CCDC91: variants seen among roughly 807,000 people sequenced by gnomAD.
The protein encoded by CCDC91 is coiled-coil domain-containing protein 91.
A neutral mutation model predicts 63.2 loss-of-function variants in CCDC91; 48 were observed. The ratio of observed to expected loss-of-function variants is 0.76; its 90% CI spans 0.60 to 0.97. The LOEUF is 0.97. Ranked by LOEUF, CCDC91 falls within the 50% of genes least tolerant of loss-of-function variation. The pLI, the probability that CCDC91 is intolerant of heterozygous loss-of-function variation, is 0.00. For synonymous variants in CCDC91, 167 were observed against 165.8 expected (o/e 1.01, Z -0.06); for missense variants, 500 against 494.6 (o/e 1.01, Z -0.10).
chr12:28,194,477 T>C (rs1303911665), intron 1 of CCDC91, among the ~76,000 whole-genome samples: 2 of 152,202 alleles, frequency 1.3e-5, no homozygotes, highest in African/African-American at 4.8e-5. Context: ...CTGGAGTTTC[T>C]TCCTTCTGGT....
intron 7 of CCDC91, among the ~76,000 whole-genome samples, chr12:28,372,280 G>T (rs1039634555): frequency 6.6e-6 from 1 of 152,028 alleles, no homozygotes; most frequent in African/African-American, 2.4e-5. Flanking sequence ...TATGCTTCCA[G>T]ATTTGTTCTT....
intron 11 of CCDC91, among the ~76,000 whole-genome samples, chr12:28,470,616 C>T (rs1466000654): frequency 6.6e-6 from 1 of 152,078 alleles, no homozygotes; most frequent in Admixed American, 6.6e-5. Flanking sequence ...ATTAGTGTAT[C>T]AGTGAAATAC....
chr12:28,536,481 T>C (rs1942185980), intron 12 of CCDC91, among the ~76,000 whole-genome samples: 2 of 152,208 alleles, frequency 1.3e-5, no homozygotes, highest in South Asian at 4.1e-4. Context: ...AAATATAGTA[T>C]ACAATTAGGA....
chr12:28,509,810 G>A (rs1398655210), intron 12 of CCDC91, among the ~76,000 whole-genome samples: 2 of 151,902 alleles, frequency 1.3e-5, no homozygotes, highest in East Asian at 1.9e-4. Context: ...TTACAAGTGG[G>A]TATTAATATA....
chr12:28,446,949 T>TAA (rs1462491909), intron 8 of CCDC91, among the ~76,000 whole-genome samples: 2 of 152,204 alleles, frequency 1.3e-5, no homozygotes, highest in Non-Finnish European at 2.9e-5. Flanking sequence ...ATTTCATTGA[T>TAA]TAGGTGCTCT....
chr12:28,358,226 G>A (rs866799598), intron 6 of CCDC91, among the ~76,000 whole-genome samples: 3 of 152,088 alleles, frequency 2.0e-5, no homozygotes, highest in Admixed American at 1.3e-4. Context: ...ATCAGAAAAA[G>A]AACATTGATT....
At chr12:28,233,135 G>A (rs115962153) in intron 1 of CCDC91, among the ~76,000 whole-genome samples, 235 of 151,912 alleles carry the variant, frequency 1.5e-3, no homozygotes, top group African/African-American at 5.4e-3. Flanking sequence ...GGTGTATCGT[G>A]TGCTGAGTTC....
intron 8 of CCDC91, among the ~76,000 whole-genome samples, chr12:28,418,030 A>C (rs1363759642): frequency 6.6e-6 from 1 of 152,154 alleles, no homozygotes; most frequent in African/African-American, 2.4e-5. Context: ...TAAAACATAC[A>C]TGTGCAGCTT....
intron 3 of CCDC91, among the ~76,000 whole-genome samples, chr12:28,268,066 A>T (rs1217962843): frequency 1.4e-5 from 2 of 140,180 alleles, no homozygotes; most frequent in African/African-American, 2.8e-5. Context: ...AAAATAATTA[A>T]TAATAATAAC....
At chr12:28,241,003 A>T (rs1945294666) in intron 1 of CCDC91, among the ~76,000 whole-genome samples, 1 of 152,134 alleles carries the variant, frequency 6.6e-6, no homozygotes, top group African/African-American at 2.4e-5. Context: ...GGATCTTTCA[A>T]ACCACAAATG....
At chr12:28,201,908 A>G (rs972776557) in intron 1 of CCDC91, among the ~76,000 whole-genome samples, 7 of 148,648 alleles carry the variant, frequency 4.7e-5, no homozygotes, top group Admixed American at 3.3e-4. Context: ...CGTGCCTGCA[A>G]TAGCAGGCAC....
chr12:28,540,752 T>C (rs966450339), intron 12 of CCDC91, among the ~76,000 whole-genome samples: 2 of 152,120 alleles, frequency 1.3e-5, no homozygotes, highest in Non-Finnish European at 2.9e-5. Flanking sequence ...CTGAGTGAGA[T>C]TGGGCTATTA....
At chr12:28,452,313 A>T (rs1949843780) in intron 10 of CCDC91, among the ~76,000 whole-genome samples, 165 bp from the exon 11 acceptor site, 1 of 151,670 alleles carries the variant, frequency 6.6e-6, no homozygotes, top group Non-Finnish European at 1.5e-5. Flanking sequence ...AAAAAGAATA[A>T]TAGATTTTAT....
At chr12:28,254,379 T>C (rs570458531) in intron 1 of CCDC91, among the ~76,000 whole-genome samples, 23 of 152,318 alleles carry the variant, frequency 1.5e-4, no homozygotes, top group African/African-American at 4.1e-4. Context: ...GCTACATTCT[T>C]ATAATATTTG....
rs1565700182 is a variant in CCDC91 at position 28,267,841 on chromosome 12, A to AG, written c.109+8399_109+8400insG. 3.4e-3 allele frequency among the ~76,000 whole-genome samples: 113 copies of AG among 33,350 alleles called. 13 individuals are homozygous for AG. Among genetic ancestry groups the AG allele is most frequent in the South Asian group, 0.016 (19 of 1,194 alleles). The allele number at this position is 33,350 out of a possible 152,430, so 21.9% of individuals were successfully genotyped here. A position where few individuals can be genotyped will look rare whatever the true frequency, so the allele number is the denominator to read the frequency against. ...TTATATTATTAATATATAATTATAT[A>AG]TAATTATATAGTAATATATAATTAT... is the stretch of plus-strand genomic sequence containing the variant. On this transcript the variant is annotated intron_variant, in intron 3 of 12. Transcript: ENST00000536442.
intron 6 of CCDC91, among the ~76,000 whole-genome samples, chr12:28,335,437 G>A (rs1941897893): frequency 1.4e-5 from 2 of 145,498 alleles, no homozygotes; most frequent in Admixed American, 1.4e-4. Flanking sequence ...ATATATTTGA[G>A]ACCAGGTCTT....
intron 5 of CCDC91, among the ~76,000 whole-genome samples, chr12:28,307,223 G>A (rs1938840927): frequency 6.6e-6 from 1 of 151,876 alleles, no homozygotes; most frequent in South Asian, 2.1e-4. Flanking sequence ...AGGTAGTATT[G>A]TGTTTCTTAT....
At chr12:28,499,091 G>A (rs1258775058) in intron 12 of CCDC91, among the ~76,000 whole-genome samples, 2 of 151,496 alleles carry the variant, frequency 1.3e-5, no homozygotes, top group African/African-American at 4.8e-5. Context: ...CTAGCATAGG[G>A]GAAGCTTTTA....
intron 1 of CCDC91, among the ~76,000 whole-genome samples, chr12:28,196,358 G>C (rs1261783879): frequency 1.3e-5 from 2 of 152,088 alleles, no homozygotes; most frequent in Non-Finnish European, 2.9e-5. Flanking sequence ...TCACGAGTTC[G>C]TTCTAGTAGC....
Sources: gnomAD v4.1 joint callset for allele counts (sites outside exome capture counted in the v4.1 genomes callset) on GRCh38, gnomAD v4.1.1 for gene constraint, MANE v1.5 for transcripts, NCBI Gene and HGNC (gene_info 2026-07-23, HGNC 2026-07-21) for gene names.